Variants in TPGS2 observed in about 807,000 individuals in gnomAD.
TPGS2 encodes polyglutamylase subunit 2.
A neutral mutation model predicts 31.1 loss-of-function variants in TPGS2; 26 were observed. That is an observed-to-expected ratio of 0.84 (90% CI 0.61 to 1.16). TPGS2 has a LOEUF of 1.16. Ranked by LOEUF, TPGS2 falls within the 50% of genes most tolerant of loss-of-function variation. The pLI is 0.00. For synonymous variants in TPGS2, 130 were observed against 136.6 expected (o/e 0.95, Z 0.34); for missense variants, 351 against 363.8 (o/e 0.96, Z 0.29).
At chr18:36,780,141 G>A, downstream of TPGS2, 1 of 1,232,086 alleles carries the variant, frequency 8.1e-7, no homozygotes, top group Non-Finnish European at 1.0e-6. Context: ...ACTCTTCTCA[G>A]TGTCCTCAGA....
At chr18:36,816,900 C>T (rs1197346098) in intron 2 of TPGS2, among the ~76,000 whole-genome samples, 1 of 152,226 alleles carries the variant, frequency 6.6e-6, no homozygotes, top group East Asian at 1.9e-4. Context: ...AGCCACCACG[C>T]CAGCCTGGCA....
chr18:36,814,128 A>C (rs534183981), intron 2 of TPGS2, among the ~76,000 whole-genome samples: 15 of 152,392 alleles, frequency 9.8e-5, no homozygotes, highest in Middle Eastern at 3.4e-3. Context: ...GGGTGTAACC[A>C]ATCAAGAATT....
chr18:36,818,711 G>GT lies in TPGS2; in HGVS notation c.165+182dup, dbSNP rs569809977. The GT allele has an allele frequency of 2.3e-3, 1,232 of 529,570 alleles. 2 individuals carry two copies. Among genetic ancestry groups the GT allele is most frequent in the Non-Finnish European group, 3.2e-3 (963 of 298,354 alleles). 32.8% of individuals were successfully genotyped at this position (529,570 alleles called of 1,614,324 possible). On this transcript the variant is annotated intron_variant, in intron 2 of 6. Coordinates refer to ENST00000334295, the MANE Select transcript of TPGS2 (RefSeq NM_015476.4). ...GCTCAGGGGAAACACTCCATGCTGGGTAAGTGGCATAGAATGAAAGGAACT... is the reference window on the plus strand; with the variant it reads ...GCTCAGGGGAAACACTCCATGCTGGGTTAAGTGGCATAGAATGAAAGGAACT...
intron 1 of TPGS2, among the ~76,000 whole-genome samples, chr18:36,825,529 G>A (rs1032134428): frequency 1.5e-4 from 23 of 150,844 alleles, no homozygotes; most frequent in African/African-American, 5.4e-4. Context: ...CTAGTTTTAT[G>A]CCACTACCAC....
intron 5 of TPGS2, 66 bp from the exon 6 acceptor site, chr18:36,798,675 A>T (rs1045424224): frequency 1.9e-6 from 3 of 1,565,594 alleles, no homozygotes; most frequent in African/African-American, 2.7e-5. Flanking sequence ...TTTTAACTGT[A>T]AAAGGTTATA....
chr18:36,817,757 CCT>C (rs1482630843), intron 2 of TPGS2: 1 of 152,212 alleles, frequency 6.6e-6, no homozygotes, highest in Non-Finnish European at 1.5e-5. Context: ...ACTCTTTCAG[CCT>C]CTGTTTCTTC....
At chr18:36,787,895 TGAAAAAATAATATTTATGTCTTTG>T (rs1334024633) in intron 6 of TPGS2, among the ~76,000 whole-genome samples, 3 of 152,226 alleles carry the variant, frequency 2.0e-5, no homozygotes, top group Non-Finnish European at 4.4e-5. Flanking sequence ...GCAGGTGTTA[TGAAAAAATAATATTTATGTCTTTG>T]GAAGAAAAAA....
chr18:36,792,021 C>G (rs2044327752), downstream of TPGS2, among the ~76,000 whole-genome samples: 1 of 136,314 alleles, frequency 7.3e-6, no homozygotes, highest in African/African-American at 2.9e-5. Context: ...GAGTGAGACC[C>G]TGTCTCAAAA....
At chr18:36,823,467 T>TTTTTTTG (rs1282104256) in intron 1 of TPGS2, among the ~76,000 whole-genome samples, 2 of 138,622 alleles carry the variant, frequency 1.4e-5, no homozygotes, top group Admixed American at 1.5e-4. Context: ...CTTGTTTTTT[T>TTTTTTTG]TTTTTTTTTT....
chr18:36,805,517 GTTA>G lies in TPGS2; in HGVS notation c.254-18_254-16del. 6.2e-7 allele frequency: 1 copy of G among 1,613,792 alleles called. No individual in the cohort carries two copies. The highest frequency in any genetic ancestry group is 1.1e-5 in the South Asian group (1 of 91,058). On this transcript the variant is annotated splice_polypyrimidine_tract_variant and intron_variant, in intron 3 of 6. Coordinates refer to ENST00000334295, the MANE Select transcript of TPGS2 (RefSeq NM_015476.4). ...AATGATGTGCTCTAGGGGAACATGC[GTTA>G]AGGAGAATTACATGGAGTAACAGCC...
At position 36,796,778 on chromosome 18, in the gene TPGS2, C is replaced by T. The variant is rs2044546803; in HGVS notation, c.*27G>A. On this transcript the variant is annotated 3_prime_UTR_variant, in exon 7 of 7. Coordinates refer to ENST00000334295, the MANE Select transcript of TPGS2 (RefSeq NM_015476.4). ...GTGCATGGAAACCACCACTCTGGAG[C>T]TGGTAGGGAGTTGGAGGGAGGGGTG... The T allele has an allele frequency of 3.2e-6, 5 of 1,582,584 alleles. No individual in the cohort carries two copies. The highest frequency in any genetic ancestry group is 2.6e-6 in the Non-Finnish European group (3 of 1,171,200).
At chr18:36,824,312 A>G (rs1209656718) in intron 1 of TPGS2, among the ~76,000 whole-genome samples, 1 of 152,238 alleles carries the variant, frequency 6.6e-6, no homozygotes, top group Non-Finnish European at 1.5e-5. Context: ...TGAATAATGC[A>G]GCTATGAACA....
intron 6 of TPGS2, 31 bp downstream of exon 6, chr18:36,798,418 T>C (rs780881921): frequency 1.2e-6 from 2 of 1,613,780 alleles, no homozygotes; most frequent in Non-Finnish European, 1.7e-6. Context: ...GAATATACCA[T>C]AGTTTACAAT....
rs542891991 is a variant in TPGS2, at chr18:36,794,214, A to G, written c.*2591T>C. Reference sequence around the variant, plus strand: ...CTATGGAAGAAAGGAAAAACATTACATTTTAGTACCTGTAAAGGTAATGTT... The same window carrying G: ...CTATGGAAGAAAGGAAAAACATTACGTTTTAGTACCTGTAAAGGTAATGTT... On this transcript the variant is annotated 3_prime_UTR_variant, in exon 7 of 7. Coordinates refer to ENST00000334295, the MANE Select transcript of TPGS2 (RefSeq NM_015476.4). The G allele has an allele frequency of 5.4e-6, 5 of 920,450 alleles. No homozygotes were observed. The South Asian group carries it at 1.5e-4, about 28-fold the overall frequency. The allele number at this position is 920,450 out of a possible 1,614,324, so 57.0% of individuals were successfully genotyped here. A position where few individuals can be genotyped will look rare whatever the true frequency, so the allele number is the denominator to read the frequency against.
rs1404774906 is a variant in TPGS2 at position 36,786,958 on chromosome 18, CTT to C, written c.658-3829_658-3828del. ...GCTCCGGGGCTTCATGCTGCTGACT[CTT>C]TGCTTGTGGCCAGTCCCCATGCCTG... On this transcript the variant is annotated intron_variant, in intron 6 of 6. Coordinates refer to the TPGS2 transcript ENST00000587129. 16 of 1,234,296 alleles carry C rather than the reference CTT, an allele frequency of 1.3e-5. No individual in the cohort carries two copies. The East Asian group carries it at 4.1e-4, about 32-fold the overall frequency. The allele number at this position is 1,234,296 out of a possible 1,614,324, so 76.5% of individuals were successfully genotyped here. A position where few individuals can be genotyped will look rare whatever the true frequency, so the allele number is the denominator to read the frequency against.
downstream of TPGS2, chr18:36,781,686 G>A: frequency 1.1e-6 from 1 of 879,442 alleles, no homozygotes; most frequent in Non-Finnish European, 1.4e-6. Context: ...CCTGAACCTG[G>A]GGATATGTGA....
chr18:36,811,110 C>T (rs987256157), intron 2 of TPGS2, among the ~76,000 whole-genome samples: 5 of 152,300 alleles, frequency 3.3e-5, no homozygotes, highest in Non-Finnish European at 4.4e-5. Flanking sequence ...CTGCCCAGGA[C>T]GTCCATCAAG....
At chr18:36,828,370 T>C (rs1322180356) in intron 1 of TPGS2, among the ~76,000 whole-genome samples, 1 of 152,104 alleles carries the variant, frequency 6.6e-6, no homozygotes, top group Non-Finnish European at 1.5e-5. Flanking sequence ...GAGATCCAAC[T>C]TCCCAACCGT....
In TPGS2 at chr18:36,794,134, A is replaced by G; in HGVS notation, c.*2671T>C. 1 of 324,282 alleles carries G rather than the reference A, an allele frequency of 3.1e-6. No individual in the cohort carries two copies. Among genetic ancestry groups the G allele is most frequent in the African/African-American group, 2.2e-5 (1 of 44,862 alleles). The allele number at this position is 324,282 out of a possible 1,614,324, so 20.1% of individuals were successfully genotyped here. A position where few individuals can be genotyped will look rare whatever the true frequency, so the allele number is the denominator to read the frequency against. On this transcript the variant is annotated 3_prime_UTR_variant, in exon 7 of 7. Coordinates refer to ENST00000334295, the MANE Select transcript of TPGS2 (RefSeq NM_015476.4). ...GAATTTAACATTTAAGTTTTTAGTT[A>G]GAACAGCATTAAGTAGCAAATAAAA...
Sources: gnomAD v4.1 joint callset for allele counts (sites outside exome capture counted in the v4.1 genomes callset) on GRCh38, gnomAD v4.1.1 for gene constraint, MANE v1.5 for transcripts, NCBI Gene and HGNC (gene_info 2026-07-23, HGNC 2026-07-21) for gene names.